Variants in ABCA3 observed in about 807,000 individuals in gnomAD.
ABCA3 encodes phospholipid-transporting ATPase ABCA3.
A neutral mutation model predicts 172.8 loss-of-function variants in ABCA3; 88 were observed. The observed-to-expected ratio is 0.51, with a 90% CI of 0.43 to 0.61. ABCA3 has a LOEUF of 0.61. Among genes scored for constraint, ABCA3 ranks in the 20% least tolerant of loss-of-function variants. ABCA3 has a pLI of 0.00. For missense variants in ABCA3, 2,164 were observed against 2,301.0 expected, an observed-to-expected ratio of 0.94 and a Z score of 1.22; for synonymous variants, 1,066 against 983.8, an observed-to-expected ratio of 1.08 and a Z score of -1.56.
chr16:2,309,136 T>G (rs539082342), intron 10 of ABCA3, among the ~76,000 whole-genome samples: 1 of 152,062 alleles, frequency 6.6e-6, no homozygotes, highest in African/African-American at 2.4e-5. Flanking sequence ...TTAGTAGAGA[T>G]AGGGTTTCAC....
rs1391585425 is a variant in ABCA3 at position 2,279,248 on chromosome 16, A to G, written c.4360-118T>C. On this transcript the variant is annotated intron_variant, in intron 28 of 32. Coordinates refer to ENST00000301732, the MANE Select transcript of ABCA3 (RefSeq NM_001089.3). The surrounding 1 kb of genome is among the most constrained non-coding windows in gnomAD (Gnocchi z 4.4). ...ACTGCGCCTGTCTGTGGTTCCTGCC[A>G]GTGTGTGTACACGGGGGCGCTGGAG... 7.9e-7 allele frequency: 1 copy of G among 1,260,288 alleles called. No homozygotes were observed. The highest frequency in any genetic ancestry group is 1.1e-6 in the Non-Finnish European group (1 of 898,506). The allele number at this position is 1,260,288 out of a possible 1,614,324, so 78.1% of individuals were successfully genotyped here. A position where few individuals can be genotyped will look rare whatever the true frequency, so the allele number is the denominator to read the frequency against.
At chr16:2,289,409 C>T (rs949629771) in intron 20 of ABCA3, 25 bp downstream of exon 20, 1 of 1,559,406 alleles carries the variant, frequency 6.4e-7, no homozygotes, top group Non-Finnish European at 8.7e-7. Context: ...TCCCCCGCCA[C>T]CCGCCCACCC....
At chr16:2,340,300 C>T (rs1244776198) in intron 1 of ABCA3, among the ~76,000 whole-genome samples, 1 of 152,040 alleles carries the variant, frequency 6.6e-6, no homozygotes, top group Non-Finnish European at 1.5e-5. Flanking sequence ...CAGGCACTGC[C>T]CGCAGTGCGG....
At chr16:2,331,122 G>C (rs973217762) in intron 1 of ABCA3, among the ~76,000 whole-genome samples, 1 of 152,084 alleles carries the variant, frequency 6.6e-6, no homozygotes, top group Non-Finnish European at 1.5e-5. Flanking sequence ...CTTCATACAA[G>C]TTTTGCATAT....
chr16:2,285,605 G>T lies in ABCA3; in HGVS notation c.3320C>A (p.Ala1107Asp). ...GAACGTGCTGGCCAAGAATGCCATGGCGAAGAGCAGGTTGAGGGCAATGTC... is the reference window on the plus strand; with the variant it reads ...GAACGTGCTGGCCAAGAATGCCATGTCGAAGAGCAGGTTGAGGGCAATGTC... Reference protein sequence around the residue: ...GFDIALNLLFAMAFLASTFSI... With the variant: ...GFDIALNLLFDMAFLASTFSI... Residue 1107 changes from alanine to aspartate, a missense_variant, in exon 23 of 33, where the codon GCC becomes GAC. Ala to Asp is a moderately radical substitution (Grantham distance 126). Coordinates refer to ENST00000301732, the MANE Select transcript of ABCA3 (RefSeq NM_001089.3). This position sits in a 1 kb window ranked among gnomAD's most constrained non-coding sequence, Gnocchi z 4.7. 1 of 1,557,430 alleles carries T rather than the reference G, an allele frequency of 6.4e-7. No homozygotes were observed. Among genetic ancestry groups the T allele is most frequent in the Non-Finnish European group, 8.7e-7 (1 of 1,150,108 alleles).
At chr16:2,294,544 C>T (rs766464033) in intron 18 of ABCA3, among the ~76,000 whole-genome samples, 12 of 151,922 alleles carry the variant, frequency 7.9e-5, no homozygotes, top group African/African-American at 1.7e-4. Flanking sequence ...AAAAACTAGC[C>T]GGACATGTTG....
rs568311921 is a variant in ABCA3, at chr16:2,308,767, G to A, written c.1112-144C>T. 128 of 896,352 alleles carry A rather than the reference G, an allele frequency of 1.4e-4. No homozygotes were observed. In the African/African-American group the frequency reaches 1.8e-3, roughly 12 times the overall value. 55.5% of individuals were successfully genotyped at this position (896,352 alleles called of 1,614,324 possible). The stretch of plus-strand genomic sequence containing the variant: ...CACTTGCCATCTACACGGGACACAA[G>A]CTCCAGCACGGGGGGACACCAGGTG... On this transcript the variant is annotated intron_variant, in intron 10 of 32. Transcript: ENST00000301732.
rs313909 is a variant in ABCA3, at chr16:2,287,992, G to C, written c.3004+34C>G. 1.3e-6 allele frequency: 2 copies of C among 1,595,092 alleles called. No individual in the cohort carries two copies. Among genetic ancestry groups the C allele is most frequent in the East Asian group, 2.2e-5 (1 of 44,796 alleles). On this transcript the variant is annotated intron_variant, in intron 21 of 32. Transcript: ENST00000301732. The surrounding 1 kb of genome is among the most constrained non-coding windows in gnomAD (Gnocchi z 4.1). ...AACTCTGGCTGCAGGACTGGCCCCCGATGCCCCCGTCCCGCCCCCGGGATG... is the reference window on the plus strand; with the variant it reads ...AACTCTGGCTGCAGGACTGGCCCCCCATGCCCCCGTCCCGCCCCCGGGATG...
Position 2,286,750 on chromosome 16 carries a change from G to A in ABCA3, c.3222C>T (p.Val1074=). The A allele has an allele frequency of 6.2e-7, 1 of 1,613,964 alleles. No homozygotes were observed. Among genetic ancestry groups the A allele is most frequent in the African/African-American group, 1.3e-5 (1 of 75,012 alleles). ...CGCTCCGGGGCTGGGGGAAGTTGGA[G>A]ACCACAATGGAGGCGTGAGGCCCGC... is the stretch of plus-strand genomic sequence containing the variant. ...LLCGPHASIV[V]SNFPQPRSAL... is the part of the protein sequence containing the mutation. Residue 1074 remains valine, a synonymous_variant, in exon 22 of 33, where the codon GTC becomes GTT. Coordinates refer to ENST00000301732, the MANE Select transcript of ABCA3 (RefSeq NM_001089.3). The surrounding 1 kb of genome is among the most constrained non-coding windows in gnomAD (Gnocchi z 5.2).
At chr16:2,322,813 T>A (rs113694468) in intron 7 of ABCA3, among the ~76,000 whole-genome samples, 4,570 of 151,956 alleles carry the variant, frequency 0.03, 235 homozygotes, top group African/African-American at 0.1. Flanking sequence ...TGGGATCTAA[T>A]TAAACTCAAG....
At chr16:2,304,555 G>A (rs560561374) in intron 11 of ABCA3, among the ~76,000 whole-genome samples, 1 of 146,502 alleles carries the variant, frequency 6.8e-6, no homozygotes, top group Non-Finnish European at 1.5e-5. Flanking sequence ...CGCCCAGGCA[G>A]GAGTGCAGTG....
chr16:2,294,109 C>T (rs1359895159), intron 18 of ABCA3, among the ~76,000 whole-genome samples: 2 of 150,730 alleles, frequency 1.3e-5, no homozygotes, highest in African/African-American at 4.9e-5. Flanking sequence ...AACCTCTGCT[C>T]CTGGGTTCAG....
At chr16:2,323,760 G>C (rs547916145) in intron 6 of ABCA3, 72 bp from the exon 7 acceptor site, 1 of 1,575,442 alleles carries the variant, frequency 6.3e-7, no homozygotes, top group Admixed American at 1.7e-5. Context: ...GGTGGAGTGG[G>C]AGAGCGCTTG....
chr16:2,329,931 A>T (rs1221576071), intron 1 of ABCA3, 77 bp from the exon 2 acceptor site: 1 of 152,216 alleles, frequency 6.6e-6, no homozygotes, highest in Non-Finnish European at 1.5e-5. Context: ...TAGAAAACAG[A>T]AGAGCAAAAT....
rs1419247973 is a variant in ABCA3 at position 2,277,584 on chromosome 16, G to A, written c.4983+13C>T. The A allele has an allele frequency of 6.2e-7, 1 of 1,612,868 alleles. No homozygotes were observed. The highest frequency in any genetic ancestry group is 1.7e-5 in the Admixed American group (1 of 60,006). On this transcript the variant is annotated intron_variant, in intron 32 of 32. Transcript: ENST00000301732. This position sits in a 1 kb window ranked among gnomAD's most constrained non-coding sequence, Gnocchi z 5.3. ...CCCATGAGTGCCCAGTGGGGCCCCA[G>A]GGACTGCCTCACCTTCGCCCAGCTG...
intron 19 of ABCA3, among the ~76,000 whole-genome samples, chr16:2,290,655 T>G (rs1212010882): frequency 6.6e-6 from 1 of 152,184 alleles, no homozygotes; most frequent in Non-Finnish European, 1.5e-5. Context: ...AATCAGTCAG[T>G]CAGTGCTCGG....
intron 17 of ABCA3, among the ~76,000 whole-genome samples, chr16:2,296,204 C>T (rs60956235): frequency 0.011 from 1,697 of 151,408 alleles, 34 homozygotes; most frequent in African/African-American, 0.039. Context: ...TCTTTCCCAA[C>T]GTCACCGTGC....
chr16:2,279,494 C>G lies in ABCA3; in HGVS notation c.4360-364G>C, dbSNP rs2093651862. On this transcript the variant is annotated intron_variant, in intron 28 of 32. Coordinates refer to ENST00000301732, the MANE Select transcript of ABCA3 (RefSeq NM_001089.3). This position sits in a 1 kb window ranked among gnomAD's most constrained non-coding sequence, Gnocchi z 4.4. ...CTGGGACATCTGATGTGCTAGGACT[C>G]TTTCTTCTCCCTCTAAGAAGAAAGA... Among the ~76,000 whole-genome samples the G allele has an allele frequency of 6.6e-6, 1 of 152,232 alleles. No homozygotes were observed. The highest frequency in any genetic ancestry group is 2.1e-4 in the South Asian group (1 of 4,836).
At chr16:2,295,459 G>A in intron 18 of ABCA3, 131 bp downstream of exon 18, 1 of 1,381,220 alleles carries the variant, frequency 7.2e-7, no homozygotes, top group Non-Finnish European at 1.0e-6. Context: ...TGCCCAGGCT[G>A]AGGGTCTAAG....
Sources: allele counts gnomAD v4.1 joint callset (sites outside exome capture counted in the v4.1 genomes callset), GRCh38; gene constraint gnomAD v4.1.1; non-coding constraint Gnocchi (gnomAD v3.1); transcripts MANE v1.5; gene names NCBI Gene and HGNC (gene_info 2026-07-23, HGNC 2026-07-21).